TEAD1: variants seen among roughly 807,000 people sequenced by gnomAD.
TEAD1 encodes the protein TEA domain transcription factor 1, also known as transcriptional enhancer factor TEF-1.
TEAD1 carries 9 observed loss-of-function variants against 54.9 expected under a neutral mutation model. The ratio of observed to expected loss-of-function variants is 0.16; its 90% CI spans 0.10 to 0.29. The LOEUF is 0.29. Ranked by LOEUF, TEAD1 falls within the 10% of genes least tolerant of loss-of-function variation. TEAD1 has a pLI of 1.00. For synonymous variants in TEAD1, 200 were observed against 187.8 expected (o/e 1.07, Z -0.53); for missense variants, 387 against 535.9 (o/e 0.72, Z 2.74).
intron 2 of TEAD1, among the ~76,000 whole-genome samples, chr11:12,695,210 C>T (rs1314668280): frequency 2.0e-5 from 3 of 152,160 alleles, no homozygotes; most frequent in African/African-American, 7.2e-5. Context: ...TTGAGAAAGT[C>T]GGGCTCATTT....
intron 2 of TEAD1, among the ~76,000 whole-genome samples, chr11:12,756,886 C>G (rs1211004608): frequency 6.6e-6 from 1 of 152,184 alleles, no homozygotes; most frequent in Non-Finnish European, 1.5e-5. Context: ...ACACCTAGTT[C>G]TGGGAGAAGG....
intron 9 of TEAD1, among the ~76,000 whole-genome samples, chr11:12,893,201 C>T (rs941592555): frequency 6.6e-5 from 10 of 152,216 alleles, no homozygotes; most frequent in South Asian, 6.2e-4. Context: ...GCTGATCTAA[C>T]GGTTGGCTCT....
chr11:12,724,620 C>T (rs1944279393), intron 2 of TEAD1, among the ~76,000 whole-genome samples: 1 of 152,212 alleles, frequency 6.6e-6, no homozygotes, highest in Non-Finnish European at 1.5e-5. Context: ...TGGACAGAAC[C>T]CCTTTGGGAA....
chr11:12,836,733 A>C (rs1337694030), intron 3 of TEAD1, among the ~76,000 whole-genome samples: 1 of 152,120 alleles, frequency 6.6e-6, no homozygotes, highest in Non-Finnish European at 1.5e-5. Flanking sequence ...TCCCTGGAAA[A>C]CCACCCATTC....
At chr11:12,738,688 A>G (rs1054021409) in intron 2 of TEAD1, among the ~76,000 whole-genome samples, 1 of 152,236 alleles carries the variant, frequency 6.6e-6, no homozygotes, top group Non-Finnish European at 1.5e-5. Context: ...TTTCAGATGA[A>G]AAAATCTTTG....
intron 3 of TEAD1, among the ~76,000 whole-genome samples, chr11:12,791,464 G>A (rs1309290119): frequency 6.6e-6 from 1 of 152,208 alleles, no homozygotes; most frequent in Non-Finnish European, 1.5e-5. Context: ...GATATCTCTA[G>A]AATGCACTGA....
chr11:12,806,894 G>A (rs990325846), intron 3 of TEAD1, among the ~76,000 whole-genome samples: 7 of 152,142 alleles, frequency 4.6e-5, no homozygotes, highest in Admixed American at 6.5e-5. Flanking sequence ...ACAATCAAAC[G>A]AATTGGTAGG....
At chr11:12,752,102 T>C (rs1253202350) in intron 2 of TEAD1, among the ~76,000 whole-genome samples, 1 of 152,112 alleles carries the variant, frequency 6.6e-6, no homozygotes, top group Non-Finnish European at 1.5e-5. Context: ...ACCCTTCATA[T>C]GCTGATGGCA....
At chr11:12,744,718 AT>A (rs1407319140) in intron 2 of TEAD1, among the ~76,000 whole-genome samples, 1 of 152,194 alleles carries the variant, frequency 6.6e-6, no homozygotes, top group Non-Finnish European at 1.5e-5. Context: ...TTTAAAAATT[AT>A]TGTATAATTA....
chr11:12,928,213 T>A (rs980354301), intron 11 of TEAD1, among the ~76,000 whole-genome samples: 7 of 152,174 alleles, frequency 4.6e-5, no homozygotes, highest in Admixed American at 2.0e-4. Context: ...GCATTCTATT[T>A]GCTGATATTT....
chr11:12,935,538 C>A (rs933431469), intron 12 of TEAD1, among the ~76,000 whole-genome samples: 1 of 152,072 alleles, frequency 6.6e-6, no homozygotes, highest in African/African-American at 2.4e-5. Context: ...TGGCTCGCTG[C>A]AACCTCTGCC....
intron 2 of TEAD1, among the ~76,000 whole-genome samples, chr11:12,755,328 A>C (rs1944962994): frequency 6.6e-6 from 1 of 152,098 alleles, no homozygotes; most frequent in African/African-American, 2.4e-5. Context: ...CTTTATGCTC[A>C]TTGTCATTTA....
At chr11:12,788,137 G>A (rs1223920807) in intron 3 of TEAD1, among the ~76,000 whole-genome samples, 1 of 140,714 alleles carries the variant, frequency 7.1e-6, no homozygotes, top group African/African-American at 2.8e-5. Flanking sequence ...AGCTAATTTT[G>A]TCTTTTTTTT....
intron 2 of TEAD1, among the ~76,000 whole-genome samples, chr11:12,709,874 A>T (rs1943897743): frequency 6.6e-6 from 1 of 151,860 alleles, no homozygotes. Flanking sequence ...GCCCCTTTTT[A>T]CGTCTTTTAG....
At chr11:12,741,231 G>A (rs1290679097) in intron 2 of TEAD1, among the ~76,000 whole-genome samples, 4 of 151,686 alleles carry the variant, frequency 2.6e-5, no homozygotes, top group Non-Finnish European at 4.4e-5. Context: ...GATTTCCTTT[G>A]CATTCATGTA....
intron 10 of TEAD1, among the ~76,000 whole-genome samples, chr11:12,913,794 C>T (rs1948659999): frequency 6.6e-6 from 1 of 152,236 alleles, no homozygotes; most frequent in Non-Finnish European, 1.5e-5. Context: ...TTTTATCTGG[C>T]AGCTCTGCAC....
At chr11:12,687,174 C>G (rs2133818917) in intron 2 of TEAD1, among the ~76,000 whole-genome samples, 1 of 152,328 alleles carries the variant, frequency 6.6e-6, no homozygotes. Flanking sequence ...GCTGTACTGC[C>G]TCTTGCCCCT....
In TEAD1 at chr11:12,937,466, C is replaced by T. The variant is rs1949120450; in HGVS notation, c.*244C>T. 5.4e-6 allele frequency: 2 copies of T among 371,256 alleles called. No homozygotes were observed. Among genetic ancestry groups the T allele is most frequent in the Non-Finnish European group, 1.0e-5 (2 of 198,802 alleles). The allele number at this position is 371,256 out of a possible 1,614,324, so 23.0% of individuals were successfully genotyped here. ...TAAAAAGAGAAATTGAGTTGTTTCT[C>T]TATGTTCTTCAGATGTGCAGCCCAC... On this transcript the variant is annotated 3_prime_UTR_variant, in exon 13 of 13. Transcript: ENST00000527636.
At chr11:12,833,066 T>C (rs751500156) in intron 3 of TEAD1, among the ~76,000 whole-genome samples, 25 of 152,380 alleles carry the variant, frequency 1.6e-4, no homozygotes, top group Non-Finnish European at 2.8e-4. Flanking sequence ...ACCAGTAATA[T>C]ATCTGATGAC....
Sources: allele counts gnomAD v4.1 joint callset (sites outside exome capture counted in the v4.1 genomes callset), GRCh38; gene constraint gnomAD v4.1.1; transcripts MANE v1.5; gene names NCBI Gene and HGNC (gene_info 2026-07-23, HGNC 2026-07-21).